Variants in RNF150 observed in about 807,000 individuals in gnomAD.
RNF150 encodes the protein ring finger protein 150.
RNF150 carries 24 observed loss-of-function variants against 39.3 expected under a neutral mutation model. The ratio of observed to expected loss-of-function variants is 0.61; its 90% CI spans 0.44 to 0.86. The LOEUF is 0.86. Ranked by LOEUF, RNF150 falls within the 40% of genes least tolerant of loss-of-function variation. The probability of loss-of-function intolerance (pLI) is 0.00; values close to 1 mark genes in which losing one functional copy is unlikely to be tolerated. For synonymous variants in RNF150, 255 were observed against 227.3 expected (o/e 1.12, Z -1.10); for missense variants, 502 against 587.8 (o/e 0.85, Z 1.51).
At chr4:141,148,501 T>C (rs1727239918) in intron 1 of RNF150, among the ~76,000 whole-genome samples, 2 of 152,260 alleles carry the variant, frequency 1.3e-5, no homozygotes, top group South Asian at 4.1e-4. Context: ...TGGAGTGCAA[T>C]GGTGCCATCT....
chr4:140,972,135 T>C (rs2111435237), intron 1 of RNF150, among the ~76,000 whole-genome samples: 1 of 152,290 alleles, frequency 6.6e-6, no homozygotes, highest in Admixed American at 6.5e-5. Flanking sequence ...AAACTTATAT[T>C]GTCCCATTTG....
chr4:140,994,828 T>TTTTTTAA (rs566044364), intron 1 of RNF150, among the ~76,000 whole-genome samples: 3 of 152,258 alleles, frequency 2.0e-5, no homozygotes, highest in South Asian at 2.1e-4. Context: ...CTATAAGTCT[T>TTTTTTAA]TTTTTAATTT....
chr4:141,195,492 T>C (rs1233980853), intron 1 of RNF150, among the ~76,000 whole-genome samples: 1 of 152,220 alleles, frequency 6.6e-6, no homozygotes, highest in Non-Finnish European at 1.5e-5. Context: ...CCATTCAAGT[T>C]GAACCTTGAT....
At position 140,945,559 on chromosome 4, in the gene RNF150, A is replaced by G. The variant is rs1732263085; in HGVS notation, c.890+2095T>C. ...ATAAATACATATATACACTACATAT[A>G]TATATACATATATACATATATATAC... On this transcript the variant is annotated intron_variant, in intron 4 of 6. Transcript: ENST00000515673. Among the ~76,000 whole-genome samples the G allele has an allele frequency of 2.1e-5, 3 of 142,430 alleles. No individual in the cohort carries two copies. The South Asian group carries it at 6.3e-4, about 30-fold the overall frequency. 93.4% of individuals were successfully genotyped at this position (142,430 alleles called of 152,430 possible).
intron 1 of RNF150, among the ~76,000 whole-genome samples, chr4:141,035,537 TC>T (rs1316683652): frequency 6.6e-6 from 1 of 152,178 alleles, no homozygotes; most frequent in East Asian, 1.9e-4. Context: ...TATATCTAAA[TC>T]CCATGCAAGG....
At chr4:141,189,717 T>A (rs1172835573) in intron 1 of RNF150, among the ~76,000 whole-genome samples, 4 of 152,130 alleles carry the variant, frequency 2.6e-5, no homozygotes, top group Non-Finnish European at 5.9e-5. Flanking sequence ...AACTACCTAC[T>A]CCAGCCTCAG....
intron 1 of RNF150, among the ~76,000 whole-genome samples, chr4:141,000,020 G>GAAAAGAAGAAAAGAAGAA (rs1331605221): frequency 3.6e-4 from 11 of 30,660 alleles, no homozygotes; most frequent in South Asian, 1.2e-3. Context: ...AGAAGAAGAA[G>GAAAAGAAGAAAAGAAGAA]AAGAAGAAGA....
intron 1 of RNF150, among the ~76,000 whole-genome samples, chr4:141,120,543 G>A (rs190763945): frequency 1.1e-3 from 174 of 152,268 alleles, no homozygotes; most frequent in Non-Finnish European, 2.0e-3. Flanking sequence ...TTAAATATGA[G>A]AGAAATAGAT....
intron 1 of RNF150, among the ~76,000 whole-genome samples, chr4:141,012,657 C>T (rs1449797939): frequency 1.3e-5 from 2 of 151,396 alleles, no homozygotes; most frequent in African/African-American, 4.9e-5. Context: ...GTGGCACGTG[C>T]CTGTAGTGAC....
intron 1 of RNF150, among the ~76,000 whole-genome samples, chr4:141,110,810 G>A (rs1739362667): frequency 6.6e-6 from 1 of 151,816 alleles, no homozygotes; most frequent in African/African-American, 2.4e-5. Context: ...TTCTGTTTCG[G>A]GAAAATGTCA....
chr4:141,180,181 G>T (rs1394562264), intron 1 of RNF150, among the ~76,000 whole-genome samples: 2 of 152,160 alleles, frequency 1.3e-5, no homozygotes, highest in African/African-American at 2.4e-5. Context: ...CTTGGAATTG[G>T]TGTCTCTGAT....
Position 140,864,596 on chromosome 4 carries a change from C to T in RNF150, c.*3665G>A, listed in dbSNP as rs1728628099. On this transcript the variant is annotated 3_prime_UTR_variant, in exon 7 of 7. Transcript: ENST00000515673. Reference sequence around the variant, plus strand: ...AGTCTTGCATTTCTCATTCTTTCCTCCCAAGTTCGTGAGTTTTCACTACAG... The same window carrying T: ...AGTCTTGCATTTCTCATTCTTTCCTTCCAAGTTCGTGAGTTTTCACTACAG... The T allele has an allele frequency of 6.6e-6, 1 of 152,174 alleles. No homozygotes were observed. Among genetic ancestry groups the T allele is most frequent in the East Asian group, 1.9e-4 (1 of 5,196 alleles). The allele number at this position is 152,174 out of a possible 1,614,324, so 9.4% of individuals were successfully genotyped here. A position where few individuals can be genotyped will look rare whatever the true frequency, so the allele number is the denominator to read the frequency against.
chr4:141,119,750 C>A (rs1364867086), intron 1 of RNF150, among the ~76,000 whole-genome samples: 2 of 152,194 alleles, frequency 1.3e-5, no homozygotes, highest in East Asian at 3.8e-4. Context: ...GGGCACAGGG[C>A]ACCACCCTTT....
At chr4:140,871,161 G>A (rs1289329454) in intron 6 of RNF150, among the ~76,000 whole-genome samples, 1 of 151,696 alleles carries the variant, frequency 6.6e-6, no homozygotes, top group Admixed American at 6.6e-5. Context: ...AAGTTTAATT[G>A]CCTAGAAAAT....
chr4:141,167,281 C>T (rs1391115182), intron 1 of RNF150, among the ~76,000 whole-genome samples: 1 of 146,324 alleles, frequency 6.8e-6, no homozygotes, highest in African/African-American at 2.5e-5. Flanking sequence ...AACCACTGCT[C>T]AAGGAAATAA....
chr4:141,107,709 T>C (rs1417820820), intron 1 of RNF150, among the ~76,000 whole-genome samples: 2 of 152,188 alleles, frequency 1.3e-5, no homozygotes, highest in African/African-American at 4.8e-5. Flanking sequence ...AAAGGGGATT[T>C]TATCTGTATA....
At chr4:141,131,442 G>A (rs1726889350) in intron 1 of RNF150, among the ~76,000 whole-genome samples, 1 of 152,184 alleles carries the variant, frequency 6.6e-6, no homozygotes, top group South Asian at 2.1e-4. Context: ...ATGGACTTAT[G>A]TTAACAAGCC....
At chr4:141,036,628 G>A (rs1173349089) in intron 1 of RNF150, among the ~76,000 whole-genome samples, 3 of 152,094 alleles carry the variant, frequency 2.0e-5, no homozygotes, top group African/African-American at 4.8e-5. Context: ...CTAAGGGTAC[G>A]CCAAAGCATC....
chr4:141,183,493 A>G (rs943136042), intron 1 of RNF150, among the ~76,000 whole-genome samples: 3 of 152,106 alleles, frequency 2.0e-5, no homozygotes, highest in Admixed American at 6.6e-5. Context: ...TAATCAGTTG[A>G]TTTTTAAAAT....
Sources: gnomAD v4.1 joint callset for allele counts (sites outside exome capture counted in the v4.1 genomes callset) on GRCh38, gnomAD v4.1.1 for gene constraint, MANE v1.5 for transcripts, NCBI Gene and HGNC (gene_info 2026-07-23, HGNC 2026-07-21) for gene names.